TMLHE: variants seen among roughly 807,000 people sequenced by gnomAD.
TMLHE encodes trimethyllysine dioxygenase, mitochondrial.
A neutral mutation model predicts 25.7 loss-of-function variants in TMLHE; 18 were observed. The ratio of observed to expected loss-of-function variants is 0.70; its 90% CI spans 0.48 to 1.04. The LOEUF is 1.04. Ranked by LOEUF, TMLHE falls within the 50% of genes least tolerant of loss-of-function variation. The probability of loss-of-function intolerance (pLI) is 0.00; values close to 1 mark genes in which losing one functional copy is unlikely to be tolerated. For missense variants in TMLHE, 236 were observed against 259.0 expected, an observed-to-expected ratio of 0.91 and a Z score of 0.61; for synonymous variants, 105 against 97.0, an observed-to-expected ratio of 1.08 and a Z score of -0.49.
chrX:155,512,939 T>C (rs1266059435), intron 4 of TMLHE, among the ~76,000 whole-genome samples: 5 of 112,031 alleles, frequency 4.5e-5, no homozygotes, highest in African/African-American at 1.6e-4. Context: ...TTTAATTCTT[T>C]AGCTTTCAAA....
intron 1 of TMLHE, among the ~76,000 whole-genome samples, chrX:155,593,042 C>T (rs2067701706): frequency 4.5e-5 from 5 of 111,657 alleles, no homozygotes; most frequent in African/African-American, 1.6e-4. Flanking sequence ...CATCTGAAAA[C>T]CCCACCCAGA....
intron 3 of TMLHE, among the ~76,000 whole-genome samples, chrX:155,522,324 C>G (rs1348940498): frequency 9.0e-6 from 1 of 111,631 alleles, no homozygotes; most frequent in Admixed American, 9.4e-5. Context: ...CTTCCCCTTC[C>G]TTGATGTTAA....
chrX:155,557,084 C>T (rs2067462281), intron 1 of TMLHE, among the ~76,000 whole-genome samples: 3 of 111,882 alleles, frequency 2.7e-5, no homozygotes, highest in South Asian at 7.4e-4. Flanking sequence ...TGCTCAAACA[C>T]ACATGCTGTA....
At chrX:155,597,338 A>C (rs1161465373) in intron 1 of TMLHE, among the ~76,000 whole-genome samples, 15 of 110,981 alleles carry the variant, frequency 1.4e-4, no homozygotes. Flanking sequence ...TTAAAAAGTC[A>C]GGAAACAACA....
At chrX:155,541,218 C>T (rs2067308969) in intron 2 of TMLHE, among the ~76,000 whole-genome samples, 1 of 110,358 alleles carries the variant, frequency 9.1e-6, no homozygotes, top group Non-Finnish European at 1.9e-5. Context: ...CTGACAGGCC[C>T]CAGTGTGTGA....
intron 1 of TMLHE, among the ~76,000 whole-genome samples, chrX:155,566,575 T>C (rs1557342186): frequency 1.6e-5 from 1 of 61,543 alleles, no homozygotes; most frequent in African/African-American, 3.6e-5. Flanking sequence ...GCAAAGTTGG[T>C]TCCTGGGAGA....
At chrX:155,506,250 C>T (rs1241206519) in intron 6 of TMLHE, among the ~76,000 whole-genome samples, 2 of 110,903 alleles carry the variant, frequency 1.8e-5, no homozygotes, top group African/African-American at 6.5e-5. Flanking sequence ...AAAGTGTTCT[C>T]ACTGCAAGAA....
At chrX:155,553,772 T>C (rs2124433160) in intron 1 of TMLHE, among the ~76,000 whole-genome samples, 1 of 110,213 alleles carries the variant, frequency 9.1e-6, no homozygotes, top group African/African-American at 3.3e-5. Context: ...TGGTAATTTG[T>C]ATTATTCAAT....
intron 1 of TMLHE, among the ~76,000 whole-genome samples, chrX:155,576,903 C>G (rs1464896945): frequency 8.9e-6 from 1 of 111,950 alleles, no homozygotes; most frequent in Non-Finnish European, 1.9e-5. Flanking sequence ...AACTACAAAA[C>G]CCCTGGAAGA....
chrX:155,522,370 G>T (rs782068720), intron 3 of TMLHE, among the ~76,000 whole-genome samples: 9 of 111,678 alleles, frequency 8.1e-5, no homozygotes, highest in Non-Finnish European at 1.5e-4. Flanking sequence ...CCCAAACCAA[G>T]AAAGTGGTAT....
intron 1 of TMLHE, among the ~76,000 whole-genome samples, chrX:155,593,578 A>G (rs1343679400): frequency 8.9e-6 from 1 of 112,139 alleles, no homozygotes; most frequent in Non-Finnish European, 1.9e-5. Context: ...TAAAACTCCA[A>G]CAATGGGTCC....
At chrX:155,581,423 C>T (rs1172343569) in intron 1 of TMLHE, among the ~76,000 whole-genome samples, 1 of 111,695 alleles carries the variant, frequency 9.0e-6, no homozygotes, top group African/African-American at 3.3e-5. Flanking sequence ...TTTAGAAAAC[C>T]CCATTGTCTC....
intron 1 of TMLHE, among the ~76,000 whole-genome samples, chrX:155,576,508 T>C (rs1253768202): frequency 9.0e-6 from 1 of 111,149 alleles, no homozygotes; most frequent in Non-Finnish European, 1.9e-5. Flanking sequence ...AGAAAAAAAA[T>C]CTAAAATTCA....
At chrX:155,599,213 C>T (rs1165888861) in intron 1 of TMLHE, among the ~76,000 whole-genome samples, 1 of 111,616 alleles carries the variant, frequency 9.0e-6, no homozygotes, top group Non-Finnish European at 1.9e-5. Flanking sequence ...CCCTAACCCC[C>T]ACATTGTTCA....
chrX:155,524,281 A>C, intron 3 of TMLHE, 175 bp downstream of exon 3: 2 of 408,262 alleles, frequency 4.9e-6, no homozygotes, highest in Non-Finnish European at 8.2e-6. Context: ...TTAGCTGTGG[A>C]TTGTAACAAT....
intron 1 of TMLHE, among the ~76,000 whole-genome samples, chrX:155,548,525 GCAGTATGAGGC>G (rs1373869134): frequency 1.0e-4 from 11 of 108,099 alleles, no homozygotes; most frequent in South Asian, 3.8e-4. Flanking sequence ...CACAAGGTCA[GCAGTATGAGGC>G]CAGCCTGACT....
chrX:155,568,982 A>G (rs1191744584), intron 1 of TMLHE, among the ~76,000 whole-genome samples: 4 of 59,184 alleles, frequency 6.8e-5, no homozygotes, highest in Admixed American at 2.0e-4. Context: ...AAAGCTGGAT[A>G]GAGAATGACT....
At chrX:155,548,199 A>G (rs1189618047) in intron 1 of TMLHE, among the ~76,000 whole-genome samples, 2 of 112,156 alleles carry the variant, frequency 1.8e-5, no homozygotes, top group Non-Finnish European at 3.8e-5. Context: ...AAATTTCTGG[A>G]GTAAGACTTC....
In TMLHE at chrX:155,524,719, C is replaced by T. The variant is rs781848232; in HGVS notation, c.182-87G>A. On this transcript the variant is annotated intron_variant, in intron 2 of 7. Transcript: ENST00000334398. ...CAGAAAACTTCCTTCTAAAAGTCTT[C>T]TACCAATAAGCAATAAGGGTTGAGG... is the stretch of plus-strand genomic sequence containing the variant. The T allele has an allele frequency of 1.2e-5, 11 of 922,110 alleles. No individual in the cohort carries two copies. The East Asian group carries it at 3.8e-4, about 32-fold the overall frequency. 76.0% of individuals were successfully genotyped at this position (922,110 alleles called of 1,213,427 possible).
Sources: gnomAD v4.1 joint callset for allele counts (sites outside exome capture counted in the v4.1 genomes callset) on GRCh38, gnomAD v4.1.1 for gene constraint, MANE v1.5 for transcripts, NCBI Gene and HGNC (gene_info 2026-07-23, HGNC 2026-07-21) for gene names.